CSNK1G2: variants seen among roughly 807,000 people sequenced by gnomAD.
CSNK1G2 encodes casein kinase I isoform gamma-2.
CSNK1G2 carries 11 observed loss-of-function variants against 48.0 expected under a neutral mutation model. The ratio of observed to expected loss-of-function variants is 0.23; its 90% CI spans 0.14 to 0.38. The LOEUF is 0.38. CSNK1G2 is among the 10% of genes least tolerant of loss of function. CSNK1G2 has a pLI of 1.00. For missense variants in CSNK1G2, 446 were observed against 595.5 expected (o/e 0.75, Z 2.61); for synonymous variants, 337 against 254.1 (o/e 1.33, Z -3.10).
chr19:1,978,527 C>CG lies in CSNK1G2; in HGVS notation c.298+19dup, dbSNP rs1318964320. Reference sequence around the variant, plus strand: ...AGCGCCACAGGTACCGGGCGGCCCGCGGGTGGGGCGGGGGCTGCGCAGGGG... The same window carrying CG: ...AGCGCCACAGGTACCGGGCGGCCCGCGGGGTGGGGCGGGGGCTGCGCAGGGG... On this transcript the variant is annotated intron_variant, in intron 4 of 11. Coordinates refer to ENST00000255641, the MANE Select transcript of CSNK1G2 (RefSeq NM_001319.7). This position sits in a 1 kb window ranked among gnomAD's most constrained non-coding sequence, Gnocchi z 7.3. 5.8e-5 allele frequency: 91 copies of CG among 1,569,736 alleles called. 1 individual carries two copies. In the East Asian group the frequency reaches 2.1e-3, roughly 37 times the overall value.
intron 1 of CSNK1G2, chr19:1,959,136 C>T (rs896946448): frequency 2.6e-5 from 4 of 152,140 alleles, no homozygotes; most frequent in African/African-American, 7.3e-5. Flanking sequence ...CATCATGAGG[C>T]TGTGTCTCTG....
At chr19:1,951,976 G>A (rs1180718028) in intron 1 of CSNK1G2, among the ~76,000 whole-genome samples, 3 of 152,156 alleles carry the variant, frequency 2.0e-5, no homozygotes, top group Admixed American at 6.5e-5. Flanking sequence ...CACCGGGCCC[G>A]GCCATTCTCT....
At chr19:1,976,257 G>A in intron 2 of CSNK1G2, 1 of 482,616 alleles carries the variant, frequency 2.1e-6, no homozygotes, top group South Asian at 1.9e-5. Context: ...GCGGGGACCA[G>A]CCCTGGTCCC....
chr19:1,955,973 T>C (rs1331102345), intron 1 of CSNK1G2, among the ~76,000 whole-genome samples: 1 of 152,148 alleles, frequency 6.6e-6, no homozygotes, highest in East Asian at 1.9e-4. Context: ...CGGGGCAGCC[T>C]GCTCGTTGGC....
intron 1 of CSNK1G2, among the ~76,000 whole-genome samples, chr19:1,956,260 C>T (rs1354884287): frequency 2.0e-5 from 3 of 152,312 alleles, no homozygotes; most frequent in South Asian, 4.1e-4. Context: ...GCAGCGCTCA[C>T]GTCACAGGTT....
Position 1,979,982 on chromosome 19 carries a change from A to G in CSNK1G2, c.1158A>G (p.Thr386=). ...CCGGCCACTCCAACGCCCCGATCAC[A>G]GCGCCTGCAGAGGTGGAGGTGGCCG... ...PTAGHSNAPI[T]APAEVEVADE... is the part of the protein sequence containing the mutation. Residue 386 remains threonine (T), a synonymous_variant, in exon 11 of 12, where the codon ACA becomes ACG. Transcript: ENST00000255641. 6.3e-7 allele frequency: 1 copy of G among 1,587,932 alleles called. No homozygotes were observed. The highest frequency in any genetic ancestry group is 8.6e-7 in the Non-Finnish European group (1 of 1,166,036).
At chr19:1,973,343 C>T (rs2015640827) in intron 2 of CSNK1G2, among the ~76,000 whole-genome samples, 1 of 152,178 alleles carries the variant, frequency 6.6e-6, no homozygotes, top group African/African-American at 2.4e-5. Context: ...GCCTCAGCCT[C>T]CCAAGTAGAT....
At chr19:1,971,587 A>G (rs1038750319) in intron 2 of CSNK1G2, among the ~76,000 whole-genome samples, 1 of 152,162 alleles carries the variant, frequency 6.6e-6, no homozygotes, top group Non-Finnish European at 1.5e-5. Context: ...CCACGCATAC[A>G]CAGGCACACA....
rs2015862484 is a variant in CSNK1G2, at chr19:1,978,866, G to C, written c.455G>C (p.Arg152Pro). The C allele has an allele frequency of 6.2e-7, 1 of 1,602,182 alleles. No individual in the cohort carries two copies. The highest frequency in any genetic ancestry group is 8.5e-7 in the Non-Finnish European group (1 of 1,178,774). ...CGCCGTGCCCCCCTGCAGATCACGC[G>C]CATGGAGTATGTGCACACCAAGAGC... ...VLMIAIQLIT[R>P]MEYVHTKSLI... The change falls in exon 6 of 12, where the codon CGC becomes CCC. Residue 152 changes from arginine (R) to proline (P), a missense_variant. By Grantham distance (103) the Arg-to-Pro change is moderately radical. Transcript: ENST00000255641. This position sits in a 1 kb window ranked among gnomAD's most constrained non-coding sequence, Gnocchi z 7.3.
Position 1,969,640 on chromosome 19 carries a change from GCCACGGGCCCACGCCCGC to G in CSNK1G2, c.-128_-111del. ...AACGCCTGCGTCTCAGTAGCTGGGAGCCACGGGCCCACGCCCGCCCACCGGCCGCAGTGATGTTCTAGC... is the reference window on the plus strand; with the variant it reads ...AACGCCTGCGTCTCAGTAGCTGGGAGCCACCGGCCGCAGTGATGTTCTAGC... On this transcript the variant is annotated 5_prime_UTR_variant, in exon 2 of 12. Transcript: ENST00000255641. 1 of 774,378 alleles carries G rather than the reference GCCACGGGCCCACGCCCGC, an allele frequency of 1.3e-6. No individual in the cohort carries two copies. The highest frequency in any genetic ancestry group is 1.8e-6 in the Non-Finnish European group (1 of 558,790). 48.0% of individuals were successfully genotyped at this position (774,378 alleles called of 1,614,324 possible). A position where few individuals can be genotyped will look rare whatever the true frequency, so the allele number is the denominator to read the frequency against.
chr19:1,949,950 G>T (rs1211140879), intron 1 of CSNK1G2, among the ~76,000 whole-genome samples: 1 of 152,166 alleles, frequency 6.6e-6, no homozygotes, highest in Non-Finnish European at 1.5e-5. Flanking sequence ...TGACGAGCAC[G>T]GCCAGTGGGA....
At position 1,979,593 on chromosome 19, in the gene CSNK1G2, C is replaced by T; in HGVS notation, c.952C>T (p.Arg318Cys). Reference protein sequence around the residue: ...LRKLFTDLFDRSGFVFDYEYD... With the variant: ...LRKLFTDLFDCSGFVFDYEYD... Reference sequence around the variant, plus strand: ...GAAGCTCTTCACCGACCTCTTCGACCGCAGTGGCTTCGTGTTCGACTATGA... The same window carrying T: ...GAAGCTCTTCACCGACCTCTTCGACTGCAGTGGCTTCGTGTTCGACTATGA... Residue 318 changes from arginine to cysteine, a missense_variant, in exon 9 of 12, where the codon CGC becomes TGC. By Grantham distance (180) the Arg-to-Cys change is radical. This residue lies in a region of CSNK1G2 where 188 missense variants were observed against 179.6 expected (regional missense o/e 1.05). Transcript: ENST00000255641. The T allele has an allele frequency of 1.2e-6, 2 of 1,607,538 alleles. No individual in the cohort carries two copies. The highest frequency in any genetic ancestry group is 1.7e-6 in the Non-Finnish European group (2 of 1,179,898).
rs990885866 is a variant in CSNK1G2 at position 1,976,166 on chromosome 19, C to T, written c.188-2139C>T. 63 of 1,167,944 alleles carry T rather than the reference C, an allele frequency of 5.4e-5. No homozygotes were observed. The East Asian group carries it at 3.4e-3, about 63-fold the overall frequency. 72.3% of individuals were successfully genotyped at this position (1,167,944 alleles called of 1,614,324 possible). On this transcript the variant is annotated intron_variant, in intron 2 of 11. Transcript: ENST00000255641. ...GTGTTGGGTGTTTGGGGCACGGCTC[C>T]TGTTGTTTTACGAGGAGAATTTCCT...
Position 1,980,364 on chromosome 19 carries a change from C to T in CSNK1G2, c.*161C>T, listed in dbSNP as rs1344918034. ...CCGCGCCTGGCTCAGGCGGCCCCACCCCCGGGACGTGGGGTCACTTCCTTC... is the reference window on the plus strand; with the variant it reads ...CCGCGCCTGGCTCAGGCGGCCCCACTCCCGGGACGTGGGGTCACTTCCTTC... On this transcript the variant is annotated 3_prime_UTR_variant, in exon 12 of 12. Transcript: ENST00000255641. 1 of 831,136 alleles carries T rather than the reference C, an allele frequency of 1.2e-6. No individual in the cohort carries two copies. Among genetic ancestry groups the T allele is most frequent in the Non-Finnish European group, 2.0e-6 (1 of 509,802 alleles). The allele number at this position is 831,136 out of a possible 1,614,324, so 51.5% of individuals were successfully genotyped here.
intron 2 of CSNK1G2, among the ~76,000 whole-genome samples, chr19:1,977,866 C>T (rs931304475): frequency 5.3e-5 from 8 of 152,146 alleles, no homozygotes; most frequent in Admixed American, 1.3e-4. Flanking sequence ...GGGCTCCTCT[C>T]TTCTAACCCA....
chr19:1,975,984 G>A (rs925898933), intron 2 of CSNK1G2: 16 of 1,056,686 alleles, frequency 1.5e-5, no homozygotes, highest in East Asian at 5.9e-5. Flanking sequence ...CCAGTGAGCC[G>A]TGATCGCGCC....
intron 1 of CSNK1G2, among the ~76,000 whole-genome samples, chr19:1,967,432 G>T (rs1481251250): frequency 3.3e-5 from 5 of 152,182 alleles, no homozygotes; most frequent in Non-Finnish European, 7.4e-5. Context: ...TGAGGGTGGG[G>T]CTTCTGTCTG....
intron 1 of CSNK1G2, among the ~76,000 whole-genome samples, chr19:1,965,594 G>A (rs1309627015): frequency 2.0e-5 from 3 of 151,670 alleles, no homozygotes; most frequent in East Asian, 2.0e-4. Context: ...TCCACCTCCC[G>A]GGTTGAAGCA....
chr19:1,978,301 G>T lies in CSNK1G2; in HGVS notation c.188-4G>T, dbSNP rs201184287. 1.9e-6 allele frequency: 3 copies of T among 1,613,346 alleles called. No individual in the cohort carries two copies. The highest frequency in any genetic ancestry group is 1.3e-5 in the African/African-American group (1 of 74,890). The stretch of plus-strand genomic sequence containing the variant: ...GGCGGTGCTGATGGTCTCTGTCCCC[G>T]CAGGAAAGAATCTCTATACAAATGA... On this transcript the variant is annotated splice_polypyrimidine_tract_variant and splice_region_variant and intron_variant, in intron 2 of 11. Transcript: ENST00000255641. This position sits in a 1 kb window ranked among gnomAD's most constrained non-coding sequence, Gnocchi z 7.3.
Sources: gnomAD v4.1 joint callset for allele counts (sites outside exome capture counted in the v4.1 genomes callset) on GRCh38, gnomAD v4.1.1 for gene constraint, gnomAD v4.1.1 regional missense constraint, Gnocchi (gnomAD v3.1) non-coding constraint, MANE v1.5 for transcripts, NCBI Gene and HGNC (gene_info 2026-07-23, HGNC 2026-07-21) for gene names.